The following PRKAR1A variants were observed in gnomAD, a reference collection of about 807,000 sequenced individuals.
The protein encoded by PRKAR1A is protein kinase cAMP-dependent type I regulatory subunit alpha.
A neutral mutation model predicts 52.0 loss-of-function variants in PRKAR1A; 3 were observed. The observed-to-expected ratio is 0.06, with a 90% confidence interval of 0.03 to 0.15. The LOEUF (loss-of-function observed/expected upper bound fraction) is 0.15, where lower values mean the gene tolerates loss of function less well. Ranked by LOEUF, PRKAR1A falls within the 10% of genes least tolerant of loss-of-function variation. The pLI, the probability that PRKAR1A is intolerant of heterozygous loss-of-function variation, is 1.00. For synonymous variants in PRKAR1A, 188 were observed against 168.4 expected (o/e 1.12, Z -0.90); for missense variants, 240 against 477.4 (o/e 0.50, Z 4.63).
the PRKAR1A span, among the ~76,000 whole-genome samples, chr17:68,463,232 T>C: frequency 1.3e-5 from 2 of 152,090 alleles, no homozygotes; most frequent in Admixed American, 6.5e-5. Flanking sequence ...CTGGCTTGAG[T>C]GATAAGATAT....
chr17:68,479,932 T>A, the PRKAR1A span, among the ~76,000 whole-genome samples: 1 of 152,168 alleles, frequency 6.6e-6, no homozygotes, highest in Non-Finnish European at 1.5e-5. Flanking sequence ...AAATGCCCCT[T>A]ATAAAAGCAC....
the PRKAR1A span, among the ~76,000 whole-genome samples, chr17:68,494,797 A>G: frequency 6.6e-6 from 1 of 152,088 alleles, no homozygotes; most frequent in Admixed American, 6.6e-5. Context: ...CCCATCCTCC[A>G]GGTGAATGCC....
the PRKAR1A span, among the ~76,000 whole-genome samples, chr17:68,457,069 A>G: frequency 6.6e-6 from 1 of 151,838 alleles, no homozygotes; most frequent in African/African-American, 2.4e-5. Flanking sequence ...TGGCCCCCGC[A>G]GCCCCACCAC....
At chr17:68,444,062 C>A in the PRKAR1A span, among the ~76,000 whole-genome samples, 1 of 152,166 alleles carries the variant, frequency 6.6e-6, no homozygotes, top group Non-Finnish European at 1.5e-5. Context: ...AAAACATATT[C>A]TTTATGGTTC....
chr17:68,458,527 A>C, the PRKAR1A span, among the ~76,000 whole-genome samples: 1 of 152,220 alleles, frequency 6.6e-6, no homozygotes, highest in East Asian at 1.9e-4. Context: ...CAAAGTATCT[A>C]AACAAGACCT....
At chr17:68,536,288 T>A (rs1201179834), downstream of PRKAR1A, 1 of 454,130 alleles carries the variant, frequency 2.2e-6, no homozygotes, top group Admixed American at 2.3e-5. Context: ...AAAAGTTGAT[T>A]TGATGAAATG....
At chr17:68,548,732 T>TC (rs1332604908) in intron 11 of PRKAR1A, among the ~76,000 whole-genome samples, 9 of 139,350 alleles carry the variant, frequency 6.5e-5, no homozygotes, top group South Asian at 2.5e-4. Context: ...TATATTTTTT[T>TC]TTTTTTTTTT....
In PRKAR1A at chr17:68,515,510, G is replaced by A. The variant is rs750036578; in HGVS notation, c.111G>A (p.Gln37=). The A allele has an allele frequency of 3.1e-6, 5 of 1,613,300 alleles. No individual in the cohort carries two copies. The highest frequency in any genetic ancestry group is 1.7e-5 in the Admixed American group (1 of 60,026). The change falls in exon 2 of 11, where the codon CAG becomes CAA. Residue 37 remains glutamine, a synonymous_variant. Coordinates refer to ENST00000589228, the MANE Select transcript of PRKAR1A (RefSeq NM_002734.5). ...IQALLKDSIV[Q]LCTARPERPM... is the part of the protein sequence containing the mutation. ...CGCTGCTCAAAGATTCTATTGTGCA[G>A]TTGTGCACTGCTCGACCTGAGAGAC...
downstream of PRKAR1A, chr17:68,537,818 C>CTT (rs1438034775): frequency 6.7e-7 from 1 of 1,496,828 alleles, no homozygotes; most frequent in Non-Finnish European, 9.1e-7. The surrounding 1 kb of genome is among the most constrained non-coding windows in gnomAD (Gnocchi z 4.2). Context: ...TCCCCACAAA[C>CTT]AGCTGTTGTA....
At chr17:68,430,330 T>A in the PRKAR1A span, among the ~76,000 whole-genome samples, 3 of 152,114 alleles carry the variant, frequency 2.0e-5, no homozygotes, top group Admixed American at 6.6e-5. Context: ...ATTCTGGCAA[T>A]AACTAAAGAG....
chr17:68,423,264 C>T, the PRKAR1A span, among the ~76,000 whole-genome samples: 14 of 152,216 alleles, frequency 9.2e-5, 1 homozygote, highest in Admixed American at 7.9e-4. This position sits in a 1 kb window ranked among gnomAD's most constrained non-coding sequence, Gnocchi z 4.4. Context: ...TAGCATCCCT[C>T]GCTGAACATT....
chr17:68,550,186 T>TA (rs2086768343), intron 11 of PRKAR1A, among the ~76,000 whole-genome samples: 1 of 152,118 alleles, frequency 6.6e-6, no homozygotes, highest in Non-Finnish European at 1.5e-5. Flanking sequence ...TTTTGACAAG[T>TA]AAAATCTACA....
the PRKAR1A span, among the ~76,000 whole-genome samples, chr17:68,469,330 C>G: frequency 1.1e-4 from 17 of 152,154 alleles, no homozygotes; most frequent in South Asian, 4.1e-4. Context: ...TCTTCTACCC[C>G]CAGGAGCTTT....
At chr17:68,518,766 T>A (rs1370302277) in intron 2 of PRKAR1A, among the ~76,000 whole-genome samples, 3 of 152,226 alleles carry the variant, frequency 2.0e-5, no homozygotes, top group Non-Finnish European at 4.4e-5. Context: ...GGCTTGAATT[T>A]CTCCCCAGAA....
At chr17:68,542,179 A>G in intron 11 of PRKAR1A, 1 of 1,613,448 alleles carries the variant, frequency 6.2e-7, no homozygotes. Context: ...GAGGATGGGG[A>G]GGAGAGAGGA....
chr17:68,530,151 G>A (rs1301841742), intron 10 of PRKAR1A, 126 bp from the exon 11 acceptor site: 4 of 1,492,130 alleles, frequency 2.7e-6, no homozygotes, highest in Admixed American at 1.7e-5. Context: ...GTGAGATTTT[G>A]ATCTTTACTC....
At chr17:68,433,126 G>A in the PRKAR1A span, among the ~76,000 whole-genome samples, 4 of 152,224 alleles carry the variant, frequency 2.6e-5, no homozygotes, top group East Asian at 1.9e-4. Context: ...TGCCAGGCAC[G>A]ATGCTGAACA....
chr17:68,542,782 TGGC>T (rs2086366055), intron 11 of PRKAR1A: 1 of 1,614,154 alleles, frequency 6.2e-7, no homozygotes, highest in South Asian at 1.1e-5. Flanking sequence ...TCCCCACTGT[TGGC>T]GGCACCCGTC....
the PRKAR1A span, chr17:68,427,237 T>C: frequency 1.5e-5 from 25 of 1,613,974 alleles, no homozygotes; most frequent in African/African-American, 2.9e-4. Context: ...TCTTCTGTTG[T>C]TCCTGAGCCA....
Sources: allele counts gnomAD v4.1 joint callset (sites outside exome capture counted in the v4.1 genomes callset), GRCh38; gene constraint gnomAD v4.1.1; non-coding constraint Gnocchi (gnomAD v3.1); transcripts MANE v1.5; gene names NCBI Gene and HGNC (gene_info 2026-07-23, HGNC 2026-07-21).